MAML2: variants seen among roughly 807,000 people sequenced by gnomAD.
MAML2 encodes the protein mastermind like transcriptional coactivator 2.
Under a neutral mutation model 96.1 loss-of-function variants are expected in MAML2, and 22 were observed. That is an observed-to-expected ratio of 0.23 (90% CI 0.16 to 0.33). The LOEUF (loss-of-function observed/expected upper bound fraction) is 0.33, where lower values mean the gene tolerates loss of function less well. Ranked by LOEUF, MAML2 falls within the 10% of genes least tolerant of loss-of-function variation. The pLI, the probability that MAML2 is intolerant of heterozygous loss-of-function variation, is 1.00. For missense variants in MAML2, 1,367 were observed against 1,392.4 expected (o/e 0.98, Z 0.29); for synonymous variants, 561 against 521.3 (o/e 1.08, Z -1.04).
intron 1 of MAML2, among the ~76,000 whole-genome samples, chr11:96,275,434 C>T (rs1413532719): frequency 3.3e-5 from 5 of 151,938 alleles, no homozygotes; most frequent in Non-Finnish European, 5.9e-5. Flanking sequence ...CCCGCCACTA[C>T]GCCTAGCTAA....
At chr11:96,106,247 GA>G (rs907460990) in intron 1 of MAML2, among the ~76,000 whole-genome samples, 1 of 152,054 alleles carries the variant, frequency 6.6e-6, no homozygotes, top group Non-Finnish European at 1.5e-5. Context: ...TCTTTGAAGA[GA>G]AAAAAATACC....
chr11:96,271,059 C>A (rs1033921091), intron 1 of MAML2, among the ~76,000 whole-genome samples: 9 of 152,202 alleles, frequency 5.9e-5, no homozygotes, highest in African/African-American at 2.2e-4. Context: ...CTTCTCGACT[C>A]TTGGACTTAC....
rs1591132791 is a variant in MAML2, at chr11:96,323,784, A to G, written c.513+17599T>C. Among the ~76,000 whole-genome samples the G allele has an allele frequency of 2.6e-5, 4 of 152,312 alleles. No individual in the cohort carries two copies. The South Asian group carries it at 8.3e-4, about 32-fold the overall frequency. On this transcript the variant is annotated intron_variant, in intron 1 of 4. Coordinates refer to ENST00000524717, the MANE Select transcript of MAML2 (RefSeq NM_032427.4). Reference sequence around the variant, plus strand: ...CTCTGTGCCTGCAGGGCAGATGTCGACAATGAACCACCACAGCTGTCTTTC... The same window carrying G: ...CTCTGTGCCTGCAGGGCAGATGTCGGCAATGAACCACCACAGCTGTCTTTC...
rs1429824720 is a variant in MAML2 at position 96,093,033 on chromosome 11, G to C, written c.998C>G (p.Thr333Ser). The C allele has an allele frequency of 1.2e-6, 2 of 1,614,030 alleles. No individual in the cohort carries two copies. Among genetic ancestry groups the C allele is most frequent in the Non-Finnish European group, 1.7e-6 (2 of 1,179,890 alleles). The change falls in exon 2 of 5, where the codon ACC becomes AGC. Residue 333 changes from threonine to serine, a missense_variant. Transcript: ENST00000524717. ...DLELENMINA[T>S]IKQDDPFNID... The stretch of plus-strand genomic sequence containing the variant: ...GTTAAATGGGTCATCCTGCTTTATG[G>C]TGGCATTGATCATGTTCTCCAGTTC...
chr11:96,252,280 T>G (rs1184594008), intron 1 of MAML2, among the ~76,000 whole-genome samples: 2 of 152,186 alleles, frequency 1.3e-5, no homozygotes, highest in African/African-American at 2.4e-5. Context: ...TGCTGAGTTC[T>G]CTATATAAAT....
chr11:96,259,058 C>A (rs900800261), intron 1 of MAML2, among the ~76,000 whole-genome samples: 1 of 152,196 alleles, frequency 6.6e-6, no homozygotes, highest in East Asian at 1.9e-4. Context: ...ACTTAACAAC[C>A]TTATACTATA....
chr11:96,282,505 C>T (rs1474778083), intron 1 of MAML2, among the ~76,000 whole-genome samples: 2 of 152,134 alleles, frequency 1.3e-5, no homozygotes, highest in Admixed American at 1.3e-4. Context: ...GAATTGAAAT[C>T]TGCGGCAATT....
At chr11:96,086,534 AAAC>A (rs1859617682) in intron 2 of MAML2, among the ~76,000 whole-genome samples, 1 of 152,226 alleles carries the variant, frequency 6.6e-6, no homozygotes, top group Admixed American at 6.5e-5. Flanking sequence ...CTAGCAATAG[AAAC>A]AAGAATATGC....
At chr11:96,299,060 A>ATATATATATATAT (rs1555037072) in intron 1 of MAML2, among the ~76,000 whole-genome samples, 12 of 56,332 alleles carry the variant, frequency 2.1e-4, no homozygotes, top group Admixed American at 6.6e-4. Context: ...AAAAAAAAAA[A>ATATATATATATAT]ATATATATAT....
intron 1 of MAML2, among the ~76,000 whole-genome samples, chr11:96,262,349 A>G (rs1053086681): frequency 3.9e-5 from 6 of 152,230 alleles, no homozygotes; most frequent in African/African-American, 1.2e-4. Context: ...TTTATTGTAT[A>G]AATAAAATTC....
At chr11:96,230,623 C>T (rs541624009) in intron 1 of MAML2, among the ~76,000 whole-genome samples, 1 of 152,288 alleles carries the variant, frequency 6.6e-6, no homozygotes, top group Non-Finnish European at 1.5e-5. Context: ...GGATGACTGC[C>T]TCTTGAGTTT....
At chr11:96,016,842 T>C (rs1858360588) in intron 2 of MAML2, among the ~76,000 whole-genome samples, 1 of 152,192 alleles carries the variant, frequency 6.6e-6, no homozygotes, top group Non-Finnish European at 1.5e-5. Flanking sequence ...TTTTTTGAAT[T>C]TAGGAGGAAC....
chr11:96,159,407 C>CCTTTTTTTT (rs1861066247), intron 1 of MAML2, among the ~76,000 whole-genome samples: 3 of 91,122 alleles, frequency 3.3e-5, no homozygotes, highest in East Asian at 4.4e-4. Context: ...ACCACTGATT[C>CCTTTTTTTT]TTTTTTTTTT....
At chr11:96,113,887 A>G (rs1860178549) in intron 1 of MAML2, among the ~76,000 whole-genome samples, 1 of 152,116 alleles carries the variant, frequency 6.6e-6, no homozygotes. Context: ...ATTCATGGAG[A>G]GAATTTGAAG....
intron 3 of MAML2, among the ~76,000 whole-genome samples, chr11:95,988,730 G>C (rs968653755): frequency 6.6e-6 from 1 of 151,968 alleles, no homozygotes; most frequent in Non-Finnish European, 1.5e-5. Flanking sequence ...GAGCAGCAAA[G>C]ACTAGCCTGC....
At chr11:96,283,522 C>T (rs1310019753) in intron 1 of MAML2, among the ~76,000 whole-genome samples, 3 of 152,304 alleles carry the variant, frequency 2.0e-5, no homozygotes, top group South Asian at 4.1e-4. Context: ...ATGAATGATT[C>T]CTTTTGCCTT....
chr11:96,114,692 G>T (rs527298629), intron 1 of MAML2, among the ~76,000 whole-genome samples: 1 of 152,334 alleles, frequency 6.6e-6, no homozygotes, highest in South Asian at 2.1e-4. Flanking sequence ...AAGTGTTGCC[G>T]GCCTCCCTCC....
intron 1 of MAML2, among the ~76,000 whole-genome samples, chr11:96,333,399 G>A (rs1009559945): frequency 6.6e-6 from 1 of 151,970 alleles, no homozygotes; most frequent in African/African-American, 2.4e-5. Context: ...TTTGCTCTGA[G>A]TTTGGACAAT....
In MAML2 at chr11:95,979,656, A is replaced by T; in HGVS notation, c.2763T>A (p.Asn921Lys). 6.2e-7 allele frequency: 1 copy of T among 1,613,898 alleles called. No homozygotes were observed. The highest frequency in any genetic ancestry group is 2.2e-5 in the East Asian group (1 of 44,878). Reference protein sequence around the residue: ...PPTLGPSNNNNVATFGAGSVG... With the variant: ...PPTLGPSNNNKVATFGAGSVG... ...CAGATCCAGCTCCAAAAGTGGCTAC[A>T]TTGTTATTATTACTTGGCCCTAAGG... Residue 921 changes from asparagine to lysine, a missense_variant, in exon 5 of 5, where the codon AAT becomes AAA. Physicochemically the swap from Asn to Lys is moderately conservative, Grantham distance 94 (BLOSUM62 0). Coordinates refer to ENST00000524717, the MANE Select transcript of MAML2 (RefSeq NM_032427.4).
Sources: gnomAD v4.1 joint callset for allele counts (sites outside exome capture counted in the v4.1 genomes callset) on GRCh38, gnomAD v4.1.1 for gene constraint, MANE v1.5 for transcripts, NCBI Gene and HGNC (gene_info 2026-07-23, HGNC 2026-07-21) for gene names.